Variants in KDM4C observed in about 807,000 individuals in gnomAD.
The protein encoded by KDM4C is lysine demethylase 4C, also known as lysine-specific demethylase 4C.
In KDM4C, 81 loss-of-function variants were observed where a neutral mutation model predicts 129.3. The observed-to-expected ratio is 0.63, with a 90% CI of 0.52 to 0.75. KDM4C has a LOEUF of 0.75. Among genes scored for constraint, KDM4C ranks in the 30% least tolerant of loss-of-function variants. The pLI, the probability that KDM4C is intolerant of heterozygous loss-of-function variation, is 0.00. For synonymous variants in KDM4C, 573 were observed against 456.1 expected, an observed-to-expected ratio of 1.26 and a Z score of -3.26; for missense variants, 1,457 against 1,304.0, an observed-to-expected ratio of 1.12 and a Z score of -1.81.
At chr9:6,786,296 T>G (rs1825482108) in intron 1 of KDM4C, among the ~76,000 whole-genome samples, 1 of 152,214 alleles carries the variant, frequency 6.6e-6, no homozygotes, top group African/African-American at 2.4e-5. Flanking sequence ...TATCATAATG[T>G]AAAAATTTTC....
intron 1 of KDM4C, among the ~76,000 whole-genome samples, chr9:6,733,418 ACACTGTGGGAGGG>A (rs1817415335): frequency 6.6e-6 from 1 of 152,190 alleles, no homozygotes; most frequent in Admixed American, 6.5e-5. Context: ...CTAAAGCTGC[ACACTGTGGGAGGG>A]CACATCTCAG....
chr9:6,944,763 T>C (rs1253051491), intron 8 of KDM4C, among the ~76,000 whole-genome samples: 1 of 149,750 alleles, frequency 6.7e-6, no homozygotes, highest in Non-Finnish European at 1.5e-5. Context: ...GCTTAGGTAT[T>C]GTTAGGGGAA....
rs758898427 is a variant in KDM4C at position 6,990,421 on chromosome 9, A to C, written c.1683A>C (p.Ala561=). The change falls in exon 12 of 22, where the codon GCA becomes GCC. Residue 561 remains alanine (A), a synonymous_variant. Coordinates refer to ENST00000381309, the MANE Select transcript of KDM4C (RefSeq NM_015061.6). ...CATTTTTGTTCTATAACTAGATAGC[A>C]GAGGGAGAGAACAAAACCTCTAAGA... ...ERNSFKVPSI[A]EGENKTSKSW... is the part of the protein sequence containing the mutation. The C allele has an allele frequency of 3.7e-6, 6 of 1,607,426 alleles. No individual in the cohort carries two copies. The highest frequency in any genetic ancestry group is 3.3e-5 in the Admixed American group (2 of 59,842).
chr9:6,768,028 A>C (rs981450399), intron 1 of KDM4C, among the ~76,000 whole-genome samples: 2 of 152,176 alleles, frequency 1.3e-5, no homozygotes, highest in African/African-American at 4.8e-5. Flanking sequence ...AAGGTATTAA[A>C]GGGTAAAATG....
chr9:7,036,435 C>T (rs184204596), intron 15 of KDM4C, among the ~76,000 whole-genome samples: 2 of 152,294 alleles, frequency 1.3e-5, no homozygotes, highest in East Asian at 1.9e-4. Flanking sequence ...ACCAGTCTTA[C>T]ATGTTTCTTG....
chr9:6,842,236 A>G (rs1253793037), intron 4 of KDM4C, among the ~76,000 whole-genome samples: 4 of 151,748 alleles, frequency 2.6e-5, no homozygotes, highest in Admixed American at 6.6e-5. Flanking sequence ...AATTACTGTA[A>G]TAAGTATGGA....
intron 19 of KDM4C, among the ~76,000 whole-genome samples, chr9:7,152,774 G>A (rs1383494301): frequency 1.3e-5 from 2 of 152,182 alleles, no homozygotes; most frequent in African/African-American, 4.8e-5. Context: ...AAGGAACATG[G>A]CATGAACTCA....
chr9:7,174,820 G>C lies in KDM4C; in HGVS notation c.*91G>C. ...TTGGGGCTGTGCCGTGAGTTTTGCTGGCATAGGTGACAGGGTGTGTCTCTG... is the reference window on the plus strand; with the variant it reads ...TTGGGGCTGTGCCGTGAGTTTTGCTCGCATAGGTGACAGGGTGTGTCTCTG... On this transcript the variant is annotated 3_prime_UTR_variant, in exon 22 of 22. Transcript: ENST00000381309. 3 of 1,138,878 alleles carry C rather than the reference G, an allele frequency of 2.6e-6. No homozygotes were observed. The highest frequency in any genetic ancestry group is 3.8e-6 in the Non-Finnish European group (3 of 782,298). 70.5% of individuals were successfully genotyped at this position (1,138,878 alleles called of 1,614,324 possible). A position where few individuals can be genotyped will look rare whatever the true frequency, so the allele number is the denominator to read the frequency against.
rs752339882 is a variant in KDM4C at position 6,849,709 on chromosome 9, C to T, written c.629+9C>T. On this transcript the variant is annotated intron_variant, in intron 5 of 21. Transcript: ENST00000381309. ...GGAGAGCCCAAGTCTTGGCAAGTTACTTGTTTAATATTCATTTACTTTGGA... is the reference window on the plus strand; with the variant it reads ...GGAGAGCCCAAGTCTTGGCAAGTTATTTGTTTAATATTCATTTACTTTGGA... 4 of 1,538,834 alleles carry T rather than the reference C, an allele frequency of 2.6e-6. No individual in the cohort carries two copies. The highest frequency in any genetic ancestry group is 3.5e-6 in the Non-Finnish European group (4 of 1,133,476).
chr9:6,919,639 G>T (rs573330444), intron 8 of KDM4C, among the ~76,000 whole-genome samples: 5 of 151,332 alleles, frequency 3.3e-5, no homozygotes, highest in Non-Finnish European at 7.4e-5. Flanking sequence ...GCAATGGCGC[G>T]ATCTTGGCTC....
intron 1 of KDM4C, chr9:6,726,593 A>T (rs1177142514): frequency 6.6e-6 from 1 of 152,322 alleles, no homozygotes; most frequent in Non-Finnish European, 1.5e-5. Context: ...GTCACCCTCC[A>T]CACTGCTTTC....
intron 8 of KDM4C, among the ~76,000 whole-genome samples, chr9:6,930,251 G>T (rs1346495623): frequency 6.6e-6 from 1 of 152,138 alleles, no homozygotes; most frequent in Non-Finnish European, 1.5e-5. Context: ...GGATATGTAT[G>T]TTGAATTTTC....
At chr9:7,036,791 G>T (rs949443724) in intron 15 of KDM4C, among the ~76,000 whole-genome samples, 9 of 152,164 alleles carry the variant, frequency 5.9e-5, no homozygotes, top group African/African-American at 1.7e-4. Flanking sequence ...TAAGTCAACT[G>T]TGAGGGCAGG....
chr9:6,904,947 C>A (rs1013004039), intron 8 of KDM4C, among the ~76,000 whole-genome samples: 2 of 152,036 alleles, frequency 1.3e-5, no homozygotes, highest in African/African-American at 4.8e-5. Context: ...AGGAGGGCTA[C>A]ATTAAACAAA....
At chr9:7,122,397 C>T (rs1205230972) in intron 18 of KDM4C, among the ~76,000 whole-genome samples, 2 of 152,072 alleles carry the variant, frequency 1.3e-5, no homozygotes, top group African/African-American at 4.8e-5. Context: ...GCCCCACCTC[C>T]AATATTGGGG....
chr9:6,817,339 C>G (rs1319131399), intron 4 of KDM4C, among the ~76,000 whole-genome samples: 1 of 151,684 alleles, frequency 6.6e-6, no homozygotes, highest in African/African-American at 2.4e-5. Context: ...GTAGCTGGGA[C>G]TACCTGCAGG....
Position 6,992,155 on chromosome 9 carries a change from A to G in KDM4C, c.1786+1631A>G, listed in dbSNP as rs532561103. Among the ~76,000 whole-genome samples, 203 of 152,202 alleles carry G rather than the reference A, an allele frequency of 1.3e-3. 2 individuals are homozygous for G. Among genetic ancestry groups the G allele is most frequent in the African/African-American group, 4.7e-3 (196 of 41,530 alleles). On this transcript the variant is annotated intron_variant, in intron 12 of 21. Transcript: ENST00000381309. ...TTGTAATTTCCCTTTCCCATGGTAG[A>G]CTCTCTTCAGTATAACTTTTGTGAA...
intron 1 of KDM4C, among the ~76,000 whole-genome samples, chr9:6,761,819 T>A (rs2130447785): frequency 6.6e-6 from 1 of 152,206 alleles, no homozygotes; most frequent in East Asian, 1.9e-4. Context: ...CTCTTTTTTC[T>A]TTTTCTTTTT....
intron 8 of KDM4C, among the ~76,000 whole-genome samples, chr9:6,897,854 G>T (rs1816707966): frequency 6.6e-6 from 1 of 152,138 alleles, no homozygotes; most frequent in Non-Finnish European, 1.5e-5. Flanking sequence ...TTTCTTGATA[G>T]AGATTTAAAA....
Sources: gnomAD v4.1 joint callset for allele counts (sites outside exome capture counted in the v4.1 genomes callset) on GRCh38, gnomAD v4.1.1 for gene constraint, MANE v1.5 for transcripts, NCBI Gene and HGNC (gene_info 2026-07-23, HGNC 2026-07-21) for gene names.